The following ANKRD26 variants were observed in gnomAD, a reference collection of about 807,000 sequenced individuals.
The protein encoded by ANKRD26 is ankyrin repeat domain-containing protein 26.
In ANKRD26, 141 loss-of-function variants were observed where a neutral mutation model predicts 208.7. The ratio of observed to expected loss-of-function variants is 0.68; its 90% confidence interval spans 0.59 to 0.78. The LOEUF (loss-of-function observed/expected upper bound fraction) is 0.78, where lower values mean the gene tolerates loss of function less well. ANKRD26 is among the 30% of genes least tolerant of loss of function. The pLI is 0.00. For missense variants in ANKRD26, 1,889 were observed against 1,938.7 expected, an observed-to-expected ratio of 0.97 and a Z score of 0.48; for synonymous variants, 636 against 660.4, an observed-to-expected ratio of 0.96 and a Z score of 0.57.
intron 1 of ANKRD26, among the ~76,000 whole-genome samples, chr10:27,094,245 T>A (rs113800667): frequency 6.6e-6 from 1 of 152,182 alleles, no homozygotes; most frequent in African/African-American, 2.4e-5. Context: ...ACCCATATAA[T>A]AAAGGGTATG....
intron 15 of ANKRD26, among the ~76,000 whole-genome samples, chr10:27,055,814 GAAAT>G (rs1207429928): frequency 6.6e-6 from 1 of 151,898 alleles, no homozygotes; most frequent in Non-Finnish European, 1.5e-5. Flanking sequence ...GAAATTATAA[GAAAT>G]AATATTTGAT....
Position 27,053,347 on chromosome 10 carries a change from C to T in ANKRD26, c.1608G>A (p.Arg536=). The change falls in exon 16 of 34, where the codon AGG becomes AGA. Residue 536 remains arginine, a synonymous_variant. Coordinates refer to ENST00000376087, the MANE Select transcript of ANKRD26 (RefSeq NM_014915.3). ...LEVASEEEQE[R]EGSENNQPQV... ...GTGGCTGGTTATTTTCACTCCCTTC[C>T]CTTTCTTGCTCTTCTTCTGATGCTA... 6.2e-7 allele frequency: 1 copy of T among 1,610,874 alleles called. No individual in the cohort carries two copies. The highest frequency in any genetic ancestry group is 8.5e-7 in the Non-Finnish European group (1 of 1,178,858).
intron 12 of ANKRD26, among the ~76,000 whole-genome samples, chr10:27,063,056 C>A (rs2055119570): frequency 6.6e-6 from 1 of 152,098 alleles, no homozygotes; most frequent in Non-Finnish European, 1.5e-5. Flanking sequence ...CCGTGCCCAG[C>A]CTGATGTAAC....
At chr10:27,049,937 T>C (rs1481601144) in intron 16 of ANKRD26, among the ~76,000 whole-genome samples, 2 of 152,028 alleles carry the variant, frequency 1.3e-5, no homozygotes, top group African/African-American at 4.8e-5. Flanking sequence ...TAAAGAAGAA[T>C]ATTGGCCGGG....
At chr10:27,054,986 T>C (rs1392422570) in intron 15 of ANKRD26, among the ~76,000 whole-genome samples, 1 of 152,136 alleles carries the variant, frequency 6.6e-6, no homozygotes, top group Non-Finnish European at 1.5e-5. Flanking sequence ...TTCAGGGGCA[T>C]ATGAATAAAT....
intron 4 of ANKRD26, among the ~76,000 whole-genome samples, chr10:26,997,798 T>A (rs1483016438): frequency 6.6e-6 from 1 of 152,182 alleles, no homozygotes; most frequent in Non-Finnish European, 1.5e-5. Context: ...TGTGGCTTGT[T>A]TGCTTGATGC....
chr10:27,066,955 C>T (rs994779862), intron 10 of ANKRD26, among the ~76,000 whole-genome samples: 3 of 151,898 alleles, frequency 2.0e-5, no homozygotes, highest in African/African-American at 7.3e-5. Context: ...TATAGGCACG[C>T]ACCACCACAC....
At chr10:26,980,508 T>C (rs2052291185) in intron 5 of ANKRD26, among the ~76,000 whole-genome samples, 1 of 152,196 alleles carries the variant, frequency 6.6e-6, no homozygotes, top group Non-Finnish European at 1.5e-5. Flanking sequence ...AGTCAGGAAA[T>C]TTTTTAACTT....
intron 27 of ANKRD26, among the ~76,000 whole-genome samples, chr10:27,028,585 CAAAAA>C (rs11294303): frequency 2.6e-5 from 2 of 76,060 alleles, no homozygotes; most frequent in African/African-American, 1.2e-4. Flanking sequence ...GACTCCATCT[CAAAAA>C]AAAAAAAAAA....
chr10:27,069,405 C>G (rs546008708), intron 9 of ANKRD26, among the ~76,000 whole-genome samples: 2 of 151,930 alleles, frequency 1.3e-5, no homozygotes, highest in Non-Finnish European at 2.9e-5. Flanking sequence ...ATCAGGAAAG[C>G]GTCAGGAACA....
intron 12 of ANKRD26, among the ~76,000 whole-genome samples, chr10:27,062,868 A>C (rs2135461911): frequency 6.6e-6 from 1 of 151,998 alleles, no homozygotes; most frequent in East Asian, 1.9e-4. Context: ...CCTGGGTTCA[A>C]GTGATTCTCA....
chr10:26,969,135 G>A (rs34319528), downstream of ANKRD26, among the ~76,000 whole-genome samples: 11,457 of 152,070 alleles, frequency 0.075, 760 homozygotes, highest in East Asian at 0.34. Flanking sequence ...GAGTCATTGC[G>A]GTCTACACTG....
chr10:27,047,697 A>ACT, intron 17 of ANKRD26, among the ~76,000 whole-genome samples: 1 of 137,766 alleles, frequency 7.3e-6, no homozygotes, highest in East Asian at 2.0e-4. Context: ...GAAAAACTGT[A>ACT]ATAATACTAC....
chr10:27,070,693 T>C lies in ANKRD26; in HGVS notation c.1078-3407A>G, dbSNP rs189730441. On this transcript the variant is annotated intron_variant, in intron 9 of 33. Coordinates refer to ENST00000376087, the MANE Select transcript of ANKRD26 (RefSeq NM_014915.3). ...GATTTTTTTTTTTTTTGAGATGGAG[T>C]CTCGCCCTGTCGCCCAGAATGGAGT... 9.7e-4 allele frequency among the ~76,000 whole-genome samples: 146 copies of C among 149,940 alleles called. 1 individual carries two copies. Among genetic ancestry groups the C allele is most frequent in the African/African-American group, 3.5e-3 (141 of 40,762 alleles).
At position 27,035,715 on chromosome 10, in the gene ANKRD26, T is replaced by C. The variant is rs756378669; in HGVS notation, c.2735A>G (p.His912Arg). The change falls in exon 24 of 34, where the codon CAT becomes CGT. Residue 912 changes from histidine to arginine, a missense_variant. Physicochemically the swap from His to Arg is conservative, Grantham distance 29 (BLOSUM62 0). Coordinates refer to ENST00000376087, the MANE Select transcript of ANKRD26 (RefSeq NM_014915.3). The stretch of plus-strand genomic sequence containing the variant: ...TTCTTCCTGCAACATGCTATTTTTA[T>C]GCGATAGGTCTTTTTCTTCTTCATG... ...HSHEEEKDLS[H>R]KNSMLQEEIA... 17 of 1,607,340 alleles carry C rather than the reference T, an allele frequency of 1.1e-5. No individual in the cohort carries two copies. The Admixed American group carries it at 2.6e-4, about 24-fold the overall frequency.
At chr10:26,959,642 CT>C in the ANKRD26 span, among the ~76,000 whole-genome samples, 1,237 of 137,732 alleles carry the variant, frequency 9.0e-3, 18 homozygotes, top group African/African-American at 0.023. Flanking sequence ...TTCGAATGCA[CT>C]TTTTTTTTTT....
the ANKRD26 span, among the ~76,000 whole-genome samples, chr10:26,951,013 C>CTTTTTTTTTTTTTTTT: frequency 8.3e-4 from 84 of 100,908 alleles, 6 homozygotes; most frequent in African/African-American, 3.7e-3. Context: ...CTTTTCTTTT[C>CTTTTTTTTTTTTTTTT]TTTTTCTTTT....
chr10:27,092,544 T>C, intron 3 of ANKRD26, 32 bp from the exon 4 acceptor site: 1 of 1,462,716 alleles, frequency 6.8e-7, no homozygotes, highest in African/African-American at 1.4e-5. Flanking sequence ...TTAAAATGCA[T>C]AAAATTACAT....
chr10:26,994,907 A>T, intron 5 of ANKRD26: 1 of 364,888 alleles, frequency 2.7e-6, no homozygotes, highest in Non-Finnish European at 5.5e-6. Flanking sequence ...CGGGTCAGGG[A>T]AATCAACTTG....
Sources: allele counts gnomAD v4.1 joint callset (sites outside exome capture counted in the v4.1 genomes callset), GRCh38; gene constraint gnomAD v4.1.1; transcripts MANE v1.5; gene names NCBI Gene and HGNC (gene_info 2026-07-23, HGNC 2026-07-21).